Variants in ATRX observed in about 807,000 individuals in gnomAD.
ATRX encodes chromatin remodeler ATRX.
ATRX carries 12 observed loss-of-function variants against 172.6 expected under a neutral mutation model. The ratio of observed to expected loss-of-function variants is 0.07; its 90% CI spans 0.04 to 0.11. The LOEUF (loss-of-function observed/expected upper bound fraction) is 0.11. ATRX is among the 10% of genes least tolerant of loss of function. The probability of loss-of-function intolerance (pLI) is 1.00; values close to 1 mark genes in which losing one functional copy is unlikely to be tolerated. For missense variants in ATRX, 1,368 were observed against 1,767.4 expected, an observed-to-expected ratio of 0.77 and a Z score of 4.05; for synonymous variants, 674 against 594.7, an observed-to-expected ratio of 1.13 and a Z score of -1.94.
At chrX:77,678,769 C>T (rs1557135294) in intron 9 of ATRX, among the ~76,000 whole-genome samples, 1 of 110,129 alleles carries the variant, frequency 9.1e-6, no homozygotes, top group South Asian at 3.9e-4. Flanking sequence ...GATTACAGGC[C>T]CCATTCTAGT....
At chrX:77,612,180 C>T (rs1172064759) in intron 22 of ATRX, among the ~76,000 whole-genome samples, 1 of 110,678 alleles carries the variant, frequency 9.0e-6, no homozygotes, top group Non-Finnish European at 1.9e-5. Flanking sequence ...GATGGTCCAT[C>T]AAAATCACCT....
chrX:77,674,145 A>G (rs1328915553), intron 10 of ATRX: 2 of 111,358 alleles, frequency 1.8e-5, no homozygotes, highest in African/African-American at 6.5e-5. Flanking sequence ...CTACCAAAAT[A>G]CAACCTACTC....
intron 5 of ATRX, among the ~76,000 whole-genome samples, chrX:77,694,925 T>C (rs1803984230): frequency 9.6e-6 from 1 of 103,772 alleles, no homozygotes. Context: ...ACACAGATGA[T>C]TGAGATTTTA....
intron 1 of ATRX, among the ~76,000 whole-genome samples, chrX:77,727,490 C>T (rs2074098464): frequency 1.8e-5 from 2 of 111,518 alleles, no homozygotes; most frequent in Non-Finnish European, 3.8e-5. Context: ...CCACGGAATA[C>T]TATGCAGCCA....
rs782152355 is a variant in ATRX at position 77,656,511 on chromosome X, T to C, written c.4214+49A>G. ...TAACCATATAAATCATTTGAAGGCATGGTCATTCAGATTAATTCCTAAAAT... is the reference window on the plus strand; with the variant it reads ...TAACCATATAAATCATTTGAAGGCACGGTCATTCAGATTAATTCCTAAAAT... On this transcript the variant is annotated intron_variant, in intron 13 of 34. Coordinates refer to ENST00000373344, the MANE Select transcript of ATRX (RefSeq NM_000489.6). 6 of 945,782 alleles carry C rather than the reference T, an allele frequency of 6.3e-6. No homozygotes were observed. The East Asian group carries it at 1.2e-4, about 19-fold the overall frequency. 77.9% of individuals were successfully genotyped at this position (945,782 alleles called of 1,213,427 possible). A position where few individuals can be genotyped will look rare whatever the true frequency, so the allele number is the denominator to read the frequency against.
At chrX:77,773,882 A>C (rs1218732731) in intron 1 of ATRX, among the ~76,000 whole-genome samples, 1 of 111,989 alleles carries the variant, frequency 8.9e-6, no homozygotes, top group Non-Finnish European at 1.9e-5. Flanking sequence ...ATATAATCAA[A>C]GGGAAACATC....
intron 28 of ATRX, among the ~76,000 whole-genome samples, chrX:77,569,916 T>C (rs1312278652): frequency 8.9e-6 from 1 of 112,174 alleles, no homozygotes; most frequent in Non-Finnish European, 1.9e-5. Flanking sequence ...TTTGTAGGTC[T>C]AGACAAGATT....
At chrX:77,763,901 C>CCTAA (rs1165760507) in intron 1 of ATRX, among the ~76,000 whole-genome samples, 2 of 110,933 alleles carry the variant, frequency 1.8e-5, no homozygotes, top group East Asian at 5.8e-4. Flanking sequence ...ATCACTTGAG[C>CCTAA]TTAGGGGTTT....
At chrX:77,624,151 G>T (rs986087518) in intron 19 of ATRX, among the ~76,000 whole-genome samples, 3 of 111,421 alleles carry the variant, frequency 2.7e-5, no homozygotes, top group African/African-American at 9.8e-5. Context: ...AGATCACGAG[G>T]TCAGGAGATC....
At chrX:77,565,342 T>A (rs917297330) in intron 28 of ATRX, among the ~76,000 whole-genome samples, 8 of 111,866 alleles carry the variant, frequency 7.2e-5, no homozygotes, top group Non-Finnish European at 1.5e-4. Context: ...CCAGTTTAAA[T>A]AGAACTTTCT....
At chrX:77,711,553 G>A (rs2073110153) in intron 2 of ATRX, among the ~76,000 whole-genome samples, 1 of 112,263 alleles carries the variant, frequency 8.9e-6, no homozygotes, top group African/African-American at 3.2e-5. Flanking sequence ...AAGTCAACTG[G>A]GCTGGGTGTG....
chrX:77,773,948 C>A (rs188355732), intron 1 of ATRX, among the ~76,000 whole-genome samples: 2 of 111,034 alleles, frequency 1.8e-5, no homozygotes, highest in East Asian at 2.8e-4. Flanking sequence ...AGAGGCCGGG[C>A]GCAGTGGCTC....
intron 1 of ATRX, among the ~76,000 whole-genome samples, chrX:77,721,710 T>C (rs1190478786): frequency 8.9e-6 from 1 of 111,739 alleles, no homozygotes; most frequent in Non-Finnish European, 1.9e-5. Flanking sequence ...TGCTCATGGA[T>C]AGGAAGAATC....
rs782377870 is a variant in ATRX, at chrX:77,574,354, C to T, written c.6222G>A (p.Glu2074=). Residue 2074 remains glutamate (E), a synonymous_variant, in exon 28 of 35, where the codon GAG becomes GAA. Transcript: ENST00000373344. ...DKDKPLIYKG[E]GKWLRNIDYY... ...AGTCAATGTTTCGAAGCCACTTCCCCTCACCTGAAAATTTAACAAAAGAAC... is the reference window on the plus strand; with the variant it reads ...AGTCAATGTTTCGAAGCCACTTCCCTTCACCTGAAAATTTAACAAAAGAAC... 1.7e-6 allele frequency: 2 copies of T among 1,187,131 alleles called. No individual in the cohort carries two copies. The highest frequency in any genetic ancestry group is 4.4e-5 in the Admixed American group (2 of 45,939).
intron 27 of ATRX, among the ~76,000 whole-genome samples, chrX:77,577,875 A>AT (rs1442859660): frequency 1.8e-5 from 2 of 111,940 alleles, no homozygotes; most frequent in African/African-American, 6.5e-5. Flanking sequence ...AAGCACCATC[A>AT]TAAGAAACAA....
chrX:77,712,468 G>A (rs184224799), intron 2 of ATRX, among the ~76,000 whole-genome samples: 35 of 112,338 alleles, frequency 3.1e-4, no homozygotes, highest in African/African-American at 1.1e-3. Context: ...TCTTTAATGC[G>A]ATGATATGGT....
intron 15 of ATRX, among the ~76,000 whole-genome samples, chrX:77,645,471 C>A (rs1473051741): frequency 9.0e-6 from 1 of 111,397 alleles, no homozygotes; most frequent in Non-Finnish European, 1.9e-5. Context: ...GCAAAATTAT[C>A]CTTCAAAATA....
At chrX:77,716,322 AAATATATAT>A (rs1376732592) in intron 2 of ATRX, among the ~76,000 whole-genome samples, 1 of 41,843 alleles carries the variant, frequency 2.4e-5, no homozygotes, top group African/African-American at 5.8e-5. Flanking sequence ...AAAAAAAAAA[AAATATATAT>A]ATATATATAT....
chrX:77,666,485 G>A (rs45469801), intron 10 of ATRX, among the ~76,000 whole-genome samples: 98 of 111,935 alleles, frequency 8.8e-4, no homozygotes, highest in African/African-American at 3.0e-3. Context: ...CCCAAATTAG[G>A]AAACAGTTTC....
Sources: gnomAD v4.1 joint callset for allele counts (sites outside exome capture counted in the v4.1 genomes callset) on GRCh38, gnomAD v4.1.1 for gene constraint, MANE v1.5 for transcripts, NCBI Gene and HGNC (gene_info 2026-07-23, HGNC 2026-07-21) for gene names.